Variants in ERI1 observed in about 807,000 individuals in gnomAD.
ERI1 encodes exoribonuclease 1.
ERI1 carries 39 observed loss-of-function variants against 39.7 expected under a neutral mutation model. The observed-to-expected ratio is 0.98, with a 90% CI of 0.76 to 1.28. The LOEUF is 1.28. Ranked by LOEUF, ERI1 falls within the 50% of genes most tolerant of loss-of-function variation. The probability of loss-of-function intolerance (pLI) is 0.00; values close to 1 mark genes in which losing one functional copy is unlikely to be tolerated. For synonymous variants in ERI1, 204 were observed against 149.6 expected (o/e 1.36, Z -2.65); for missense variants, 581 against 416.9 (o/e 1.39, Z -3.43).
At chr8:9,024,789 A>C (rs1280575134) in intron 6 of ERI1, among the ~76,000 whole-genome samples, 1 of 152,152 alleles carries the variant, frequency 6.6e-6, no homozygotes, top group African/African-American at 2.4e-5. Context: ...AAAGGAAAGG[A>C]TGAAATACAC....
At chr8:9,015,224 A>G (rs558872464) in intron 3 of ERI1, among the ~76,000 whole-genome samples, 6 of 152,368 alleles carry the variant, frequency 3.9e-5, no homozygotes, top group Non-Finnish European at 5.9e-5. Flanking sequence ...ATTAGTAGGT[A>G]GAAAGAATTT....
chr8:9,066,448 C>T (rs1247976287), intron 3 of ERI1, among the ~76,000 whole-genome samples: 2 of 152,172 alleles, frequency 1.3e-5, no homozygotes, highest in African/African-American at 4.8e-5. Flanking sequence ...GATGGCTTTT[C>T]AGAGCGGCCA....
chr8:9,042,450 G>A (rs776006216), intron 3 of ERI1, among the ~76,000 whole-genome samples: 51 of 152,046 alleles, frequency 3.4e-4, no homozygotes, highest in Admixed American at 6.5e-4. Flanking sequence ...CAACTGCTAC[G>A]CCCTCTCCCG....
intron 3 of ERI1, chr8:9,062,822 C>G (rs528135892): frequency 6.6e-6 from 1 of 151,842 alleles, no homozygotes; most frequent in African/African-American, 2.4e-5. Flanking sequence ...GGGTCTCGCT[C>G]AGATGGGACG....
intron 6 of ERI1, among the ~76,000 whole-genome samples, chr8:9,028,987 T>G (rs1221400957): frequency 6.7e-6 from 1 of 150,302 alleles, no homozygotes; most frequent in Non-Finnish European, 1.5e-5. Flanking sequence ...TTTTTTTTTT[T>G]TTTTTTTTTT....
At chr8:9,045,377 C>T (rs1047736153) in intron 3 of ERI1, among the ~76,000 whole-genome samples, 14 of 151,986 alleles carry the variant, frequency 9.2e-5, no homozygotes, top group Non-Finnish European at 1.5e-4. Flanking sequence ...TGCACTGAAA[C>T]GAATTGCTCA....
At chr8:9,058,649 T>C (rs1252187812) in intron 3 of ERI1, among the ~76,000 whole-genome samples, 1 of 152,184 alleles carries the variant, frequency 6.6e-6, no homozygotes, top group African/African-American at 2.4e-5. Flanking sequence ...CTTGACTTAA[T>C]TGAATTGGCA....
intron 2 of ERI1, among the ~76,000 whole-genome samples, chr8:9,009,649 C>T (rs550458321): frequency 2.0e-5 from 3 of 152,212 alleles, no homozygotes; most frequent in Admixed American, 6.5e-5. Flanking sequence ...AAGCGATTCT[C>T]GTGCCTCAGC....
In ERI1 at chr8:9,007,962, TTTGGTA is replaced by T; in HGVS notation, c.109-7_109-2del. 2 of 1,195,374 alleles carry T rather than the reference TTTGGTA, an allele frequency of 1.7e-6. No individual in the cohort carries two copies. Among genetic ancestry groups the T allele is most frequent in the Non-Finnish European group, 1.1e-6 (1 of 891,180 alleles). 74.0% of individuals were successfully genotyped at this position (1,195,374 alleles called of 1,614,324 possible). On this transcript the variant is annotated splice_acceptor_variant and splice_polypyrimidine_tract_variant and intron_variant, in intron 1 of 6. Coordinates refer to ENST00000250263, the MANE Select transcript of ERI1 (RefSeq NM_153332.4). LOFTEE classifies it high-confidence loss of function. ...TTTTTTTTTTTTTTTTTTTTTTTTT[TTTGGTA>T]GGAAACTCAACAGTGTAAATTTGAT...
chr8:9,065,179 G>A (rs1390443065), intron 3 of ERI1, among the ~76,000 whole-genome samples: 1 of 152,168 alleles, frequency 6.6e-6, no homozygotes, highest in Non-Finnish European at 1.5e-5. Flanking sequence ...GCTTAGCTTG[G>A]GCTCAGAGGC....
chr8:9,030,592 T>C lies in ERI1; in HGVS notation c.*558T>C, dbSNP rs1025893005. On this transcript the variant is annotated 3_prime_UTR_variant, in exon 7 of 7. Coordinates refer to ENST00000250263, the MANE Select transcript of ERI1 (RefSeq NM_153332.4). ...TCTGCCTATGTTTCTTTTCAACTCA[T>C]AATTGGAAGAATTATGATGGATTAT... 5 of 153,434 alleles carry C rather than the reference T, an allele frequency of 3.3e-5. No homozygotes were observed. The highest frequency in any genetic ancestry group is 1.2e-4 in the African/African-American group (5 of 41,470). The allele number at this position is 153,434 out of a possible 1,614,324, so 9.5% of individuals were successfully genotyped here. A position where few individuals can be genotyped will look rare whatever the true frequency, so the allele number is the denominator to read the frequency against.
chr8:9,035,560 GA>G (rs796283314), downstream of ERI1, among the ~76,000 whole-genome samples: 90 of 147,302 alleles, frequency 6.1e-4, no homozygotes, highest in Middle Eastern at 3.4e-3. Flanking sequence ...TAGTGCTCAG[GA>G]AAAAAAAAAA....
chr8:9,013,278 G>T (rs1364494247), intron 3 of ERI1, among the ~76,000 whole-genome samples: 2 of 146,656 alleles, frequency 1.4e-5, no homozygotes, highest in Non-Finnish European at 3.0e-5. Flanking sequence ...GGTTCCCCAA[G>T]TGCTAGGATT....
In ERI1 at chr8:9,018,497, A is replaced by G. The variant is rs149610045; in HGVS notation, c.692+91A>G. ...CTGATTTTTAGAATAACCACAAACT[A>G]TTATTAGAGACCCTAGAGTCTCACC... On this transcript the variant is annotated intron_variant, in intron 5 of 6. Coordinates refer to ENST00000250263, the MANE Select transcript of ERI1 (RefSeq NM_153332.4). The G allele has an allele frequency of 6.3e-4, 455 of 720,700 alleles. 1 individual carries two copies. In the African/African-American group the frequency reaches 7.6e-3, roughly 12 times the overall value. The allele number at this position is 720,700 out of a possible 1,614,324, so 44.6% of individuals were successfully genotyped here.
chr8:9,057,289 C>T (rs143220114), intron 3 of ERI1, among the ~76,000 whole-genome samples: 2 of 152,160 alleles, frequency 1.3e-5, no homozygotes, highest in African/African-American at 2.4e-5. Flanking sequence ...GGATGACTGA[C>T]GTGAGCCACT....
chr8:9,008,317 TTGTC>T (rs1816265119), intron 2 of ERI1, among the ~76,000 whole-genome samples, 169 bp downstream of exon 2: 1 of 152,226 alleles, frequency 6.6e-6, no homozygotes, highest in Non-Finnish European at 1.5e-5. Context: ...CTGATTATTT[TTGTC>T]TGTCTTCTAG....
At chr8:9,085,112 C>G (rs926522347) in intron 3 of ERI1, among the ~76,000 whole-genome samples, 1 of 152,182 alleles carries the variant, frequency 6.6e-6, no homozygotes, top group South Asian at 2.1e-4. Flanking sequence ...TGCTTTGTAA[C>G]AAACCCTAGG....
intron 6 of ERI1, among the ~76,000 whole-genome samples, chr8:9,026,634 A>G (rs910965992): frequency 3.1e-4 from 47 of 152,230 alleles, no homozygotes; most frequent in African/African-American, 1.0e-3. Flanking sequence ...CAAAAATTCA[A>G]TATCTGAAAT....
In ERI1 at chr8:9,061,209, G is replaced by C. The variant is rs1185917533; in HGVS notation, n.299+40745G>C. Among the ~76,000 whole-genome samples the C allele has an allele frequency of 2.0e-5, 3 of 152,140 alleles. No homozygotes were observed. The East Asian group carries it at 5.8e-4, about 29-fold the overall frequency. ...GCCATCAATAAACTAAATGTGATCG[G>C]GGTGAGGAGCAGGAAGGAAGGAAAT... On this transcript the variant is annotated intron_variant and non_coding_transcript_variant, in intron 3 of 3. Coordinates refer to the ERI1 transcript ENST00000518663.
Sources: gnomAD v4.1 joint callset for allele counts (sites outside exome capture counted in the v4.1 genomes callset) on GRCh38, gnomAD v4.1.1 for gene constraint, MANE v1.5 for transcripts, NCBI Gene and HGNC (gene_info 2026-07-23, HGNC 2026-07-21) for gene names.